PTTG1IP2: variants seen among roughly 807,000 people sequenced by gnomAD.
The protein encoded by PTTG1IP2 is PTTG1IP family member 2.
intron 6 of PTTG1IP2, among the ~76,000 whole-genome samples, chr7:90,509,459 T>C (rs778501887): frequency 6.6e-6 from 1 of 151,944 alleles, no homozygotes; most frequent in Non-Finnish European, 1.5e-5. Context: ...AAGATACGGA[T>C]GCTGTTAATA....
intron 6 of PTTG1IP2, among the ~76,000 whole-genome samples, chr7:90,507,081 C>A (rs1427402113): frequency 6.6e-6 from 1 of 152,166 alleles, no homozygotes; most frequent in Non-Finnish European, 1.5e-5. Flanking sequence ...TGTAAAACTT[C>A]ATCAAATTCT....
intron 6 of PTTG1IP2, among the ~76,000 whole-genome samples, chr7:90,495,002 C>G (rs1797978608): frequency 1.3e-5 from 2 of 151,946 alleles, no homozygotes; most frequent in African/African-American, 4.8e-5. Context: ...GACAAAGAGA[C>G]CCCCATCAAT....
intron 1 of PTTG1IP2, among the ~76,000 whole-genome samples, chr7:90,472,760 C>A (rs1297349730): frequency 6.6e-6 from 1 of 152,148 alleles, no homozygotes; most frequent in Non-Finnish European, 1.5e-5. Flanking sequence ...TACTAAGTTC[C>A]CAGTGTTATA....
chr7:90,474,587 C>G (rs1441425873), intron 1 of PTTG1IP2, among the ~76,000 whole-genome samples: 1 of 152,176 alleles, frequency 6.6e-6, no homozygotes, highest in East Asian at 1.9e-4. Context: ...TAGCTGGTTG[C>G]CTCTCCACCT....
intron 2 of PTTG1IP2, among the ~76,000 whole-genome samples, chr7:90,483,588 T>C (rs772709744): frequency 6.6e-6 from 1 of 152,206 alleles, no homozygotes; most frequent in Non-Finnish European, 1.5e-5. Flanking sequence ...GAAGTACTTA[T>C]TCTGTGCTTA....
intron 1 of PTTG1IP2, among the ~76,000 whole-genome samples, chr7:90,472,654 C>T (rs1797705220): frequency 6.6e-6 from 1 of 152,124 alleles, no homozygotes; most frequent in Non-Finnish European, 1.5e-5. Flanking sequence ...GTCCTCTAGC[C>T]TAGGGGGTAC....
chr7:90,510,890 T>C (rs375154987), intron 6 of PTTG1IP2, among the ~76,000 whole-genome samples: 2 of 152,344 alleles, frequency 1.3e-5, no homozygotes, highest in African/African-American at 4.8e-5. Context: ...GAAAATGTGG[T>C]GCTTAAAAAC....
intron 2 of PTTG1IP2, among the ~76,000 whole-genome samples, chr7:90,482,514 C>A (rs2374263): frequency 0.4 from 60,906 of 150,538 alleles, 13,263 homozygotes; most frequent in Non-Finnish European, 0.5. Context: ...AACCCCCCCC[C>A]CACACAACTC....
chr7:90,480,603 T>G (rs1797805170), intron 2 of PTTG1IP2, among the ~76,000 whole-genome samples: 2 of 152,152 alleles, frequency 1.3e-5, no homozygotes, highest in Non-Finnish European at 2.9e-5. Flanking sequence ...AATTGATATT[T>G]TACTTTAAAT....
intron 6 of PTTG1IP2, among the ~76,000 whole-genome samples, chr7:90,498,032 C>CTT (rs202082533): frequency 4.1e-5 from 6 of 146,756 alleles, no homozygotes; most frequent in East Asian, 2.0e-4. Context: ...TGAACCCCCC[C>CTT]TTTTTTTTTT....
intron 6 of PTTG1IP2, among the ~76,000 whole-genome samples, chr7:90,511,985 A>T (rs572537607): frequency 1.3e-5 from 2 of 152,358 alleles, no homozygotes; most frequent in African/African-American, 2.4e-5. Flanking sequence ...ACACTCAGTA[A>T]ATAGCAGCTG....
intron 1 of PTTG1IP2, chr7:90,470,407 A>T (rs1797669435): frequency 6.6e-6 from 1 of 152,254 alleles, no homozygotes. Flanking sequence ...GAAATGTTAA[A>T]AGTCATGCTG....
intron 1 of PTTG1IP2, among the ~76,000 whole-genome samples, chr7:90,473,673 A>G (rs1463408974): frequency 2.6e-5 from 4 of 152,196 alleles, no homozygotes; most frequent in Non-Finnish European, 4.4e-5. Flanking sequence ...CACCTCTTCT[A>G]TGATGCCTTC....
At chr7:90,512,538 T>C (rs1470545140) in intron 6 of PTTG1IP2, among the ~76,000 whole-genome samples, 4 of 152,110 alleles carry the variant, frequency 2.6e-5, no homozygotes, top group Non-Finnish European at 5.9e-5. Flanking sequence ...GCTATAGAAA[T>C]ATTCGGGGAT....
chr7:90,492,778 AC>A (rs1171210692), intron 5 of PTTG1IP2, among the ~76,000 whole-genome samples: 2 of 152,170 alleles, frequency 1.3e-5, no homozygotes, highest in African/African-American at 4.8e-5. Flanking sequence ...AAGCAACCCA[AC>A]AAAAGATGAC....
chr7:90,484,071 T>G (rs779826692), intron 2 of PTTG1IP2, among the ~76,000 whole-genome samples: 2 of 152,066 alleles, frequency 1.3e-5, no homozygotes, highest in Non-Finnish European at 2.9e-5. Flanking sequence ...CAAAATTTCT[T>G]TAACTAAGTT....
chr7:90,504,353 G>A (rs1798100561), intron 6 of PTTG1IP2, among the ~76,000 whole-genome samples: 1 of 152,012 alleles, frequency 6.6e-6, no homozygotes, highest in Non-Finnish European at 1.5e-5. Context: ...GGGACAGAGT[G>A]GGATAGAGTA....
chr7:90,498,542 A>T (rs565426840), intron 6 of PTTG1IP2, among the ~76,000 whole-genome samples: 4 of 152,348 alleles, frequency 2.6e-5, no homozygotes, highest in Non-Finnish European at 5.9e-5. Context: ...AACAAAATAG[A>T]CTTTAAGTCC....
At chr7:90,512,867 G>A (rs1464690698) in intron 6 of PTTG1IP2, among the ~76,000 whole-genome samples, 1 of 152,188 alleles carries the variant, frequency 6.6e-6, no homozygotes, top group Non-Finnish European at 1.5e-5. Flanking sequence ...ATGAAAAGTT[G>A]AACTGATGTG....
Sources: allele counts gnomAD v4.1 joint callset (sites outside exome capture counted in the v4.1 genomes callset), GRCh38; gene constraint gnomAD v4.1.1; transcripts MANE v1.5; gene names NCBI Gene and HGNC (gene_info 2026-07-23, HGNC 2026-07-21).